Variants in STK32C observed in about 807,000 individuals in gnomAD.
The protein encoded by STK32C is serine/threonine-protein kinase 32C.
In STK32C, 31 loss-of-function variants were observed where a neutral mutation model predicts 56.5. That is an observed-to-expected ratio of 0.55 (90% CI 0.41 to 0.74). The LOEUF is 0.74. Ranked by LOEUF, STK32C falls within the 30% of genes least tolerant of loss-of-function variation. The pLI is 0.00. For missense variants in STK32C, 544 were observed against 676.9 expected (o/e 0.80, Z 2.18); for synonymous variants, 309 against 289.4 (o/e 1.07, Z -0.69).
At chr10:132,230,206 ATTG>A (rs373389813) in intron 2 of STK32C, among the ~76,000 whole-genome samples, 65 of 152,342 alleles carry the variant, frequency 4.3e-4, no homozygotes, top group African/African-American at 1.3e-3. Flanking sequence ...CATTTTTTAA[ATTG>A]TTATTTTGAA....
intron 2 of STK32C, among the ~76,000 whole-genome samples, chr10:132,240,428 G>A (rs761776220): frequency 1.3e-5 from 2 of 152,170 alleles, no homozygotes; most frequent in Non-Finnish European, 2.9e-5. Context: ...ACGGCACAGG[G>A]GGCCCAGGTA....
chr10:132,238,846 C>G lies in STK32C; in HGVS notation c.318+7054G>C, dbSNP rs572018125. Reference sequence around the variant, plus strand: ...GAGGCATGCACACACACGCAACACACAGACATGCAGGCACACACACGTTCA... The same window carrying G: ...GAGGCATGCACACACACGCAACACAGAGACATGCAGGCACACACACGTTCA... On this transcript the variant is annotated intron_variant, in intron 2 of 11. Transcript: ENST00000298630. Among the ~76,000 whole-genome samples the G allele has an allele frequency of 2.4e-4, 36 of 152,248 alleles. 1 individual carries two copies. The East Asian group carries it at 4.4e-3, about 19-fold the overall frequency.
chr10:132,217,887 A>G (rs909242559), intron 10 of STK32C, among the ~76,000 whole-genome samples: 1 of 152,134 alleles, frequency 6.6e-6, no homozygotes, highest in Non-Finnish European at 1.5e-5. Context: ...ACCCAGACTC[A>G]GGTATGCCTT....
intron 1 of STK32C, among the ~76,000 whole-genome samples, chr10:132,282,521 G>A (rs956163790): frequency 4.9e-5 from 7 of 143,528 alleles, no homozygotes; most frequent in African/African-American, 1.4e-4. Flanking sequence ...GCCCACCTGT[G>A]CCTGTGCCCA....
At chr10:132,280,701 G>GC (rs2065167738) in intron 1 of STK32C, among the ~76,000 whole-genome samples, 3 of 142,582 alleles carry the variant, frequency 2.1e-5, no homozygotes, top group Admixed American at 6.9e-5. Flanking sequence ...CCGTGATCAT[G>GC]AACCTCCACT....
chr10:132,272,932 C>A (rs1166769945), intron 1 of STK32C, among the ~76,000 whole-genome samples: 2 of 152,174 alleles, frequency 1.3e-5, no homozygotes, highest in Admixed American at 1.3e-4. Flanking sequence ...GCCCAGTGAG[C>A]CCACCATGCG....
chr10:132,215,260 C>G (rs2062434528), intron 10 of STK32C, among the ~76,000 whole-genome samples: 1 of 152,122 alleles, frequency 6.6e-6, no homozygotes, highest in African/African-American at 2.4e-5. Context: ...GCAATCCTCT[C>G]ACGTCACTGG....
intron 1 of STK32C, among the ~76,000 whole-genome samples, chr10:132,258,545 A>G (rs989376059): frequency 7.2e-5 from 11 of 152,148 alleles, no homozygotes; most frequent in Non-Finnish European, 1.5e-4. Flanking sequence ...GACAGGTCCA[A>G]TGCGCTCTCC....
In STK32C at chr10:132,324,336, TG is replaced by T; in HGVS notation, c.338del (p.Pro113GlnfsTer48). On this transcript the variant is annotated frameshift_variant, in exon 2 of 2. Coordinates refer to the STK32C transcript ENST00000368619. LOFTEE classifies it low-confidence loss of function (END_TRUNC). ...CTTTCCACACCATTCCACATCTTCCTGGCAAAATCCCAGTCCTGGGGTGTGC... is the reference window on the plus strand; with the variant it reads ...CTTTCCACACCATTCCACATCTTCCTGCAAAATCCCAGTCCTGGGGTGTGC... The T allele has an allele frequency of 1.3e-6, 1 of 779,574 alleles. No homozygotes were observed. Among genetic ancestry groups the T allele is most frequent in the Non-Finnish European group, 2.4e-6 (1 of 417,876 alleles). The allele number at this position is 779,574 out of a possible 1,614,324, so 48.3% of individuals were successfully genotyped here.
At chr10:132,218,624 G>A (rs1265845853) in intron 10 of STK32C, among the ~76,000 whole-genome samples, 3 of 152,218 alleles carry the variant, frequency 2.0e-5, no homozygotes, top group Non-Finnish European at 4.4e-5. Context: ...CACACCTGCT[G>A]TAGAAAAGGG....
chr10:132,331,360 C>T, intron 1 of STK32C: 1 of 1,463,988 alleles, frequency 6.8e-7, no homozygotes, highest in Non-Finnish European at 9.2e-7. Flanking sequence ...CACAGGACCA[C>T]GCGAGCACCT....
At chr10:132,295,320 G>C (rs1352030410) in intron 1 of STK32C, among the ~76,000 whole-genome samples, 1 of 152,192 alleles carries the variant, frequency 6.6e-6, no homozygotes, top group Non-Finnish European at 1.5e-5. Context: ...GGCTGGGTAA[G>C]GAAACACACG....
chr10:132,234,434 G>A (rs11594114), intron 2 of STK32C, among the ~76,000 whole-genome samples: 12 of 152,274 alleles, frequency 7.9e-5, no homozygotes, highest in South Asian at 6.2e-4. Context: ...TGCCCACTTC[G>A]CTTTTTCTGC....
At chr10:132,222,813 G>A (rs775874263) in intron 9 of STK32C, 41 bp from the exon 10 acceptor site, 65 of 1,593,112 alleles carry the variant, frequency 4.1e-5, no homozygotes, top group Middle Eastern at 3.4e-4. Context: ...CGTGGAGGAC[G>A]CCACATCCAT....
Position 132,296,486 on chromosome 10 carries a change from A to G in STK32C, c.262+11086T>C, listed in dbSNP as rs1026965020. Among the ~76,000 whole-genome samples the G allele has an allele frequency of 8.5e-5, 13 of 152,276 alleles. 1 individual carries two copies. The South Asian group carries it at 2.1e-3, about 24-fold the overall frequency. On this transcript the variant is annotated intron_variant, in intron 1 of 11. Coordinates refer to ENST00000298630, the MANE Select transcript of STK32C (RefSeq NM_173575.4). ...CAAGGGAACTCTCTGTATCAGCTTC[A>G]CAACTTTTCTATAAATCTAAACTAT... is the stretch of plus-strand genomic sequence containing the variant.
At chr10:132,268,468 CGT>C (rs1268283588) in intron 1 of STK32C, among the ~76,000 whole-genome samples, 1 of 76,240 alleles carries the variant, frequency 1.3e-5, no homozygotes, top group African/African-American at 5.4e-5. Context: ...TGTCCCACAT[CGT>C]GTGTGTGTGT....
intron 1 of STK32C, among the ~76,000 whole-genome samples, chr10:132,298,238 G>A (rs2065812431): frequency 6.6e-6 from 1 of 152,222 alleles, no homozygotes; most frequent in Non-Finnish European, 1.5e-5. Flanking sequence ...TCTGAGCTGG[G>A]CCTGTGACTG....
chr10:132,317,788 G>A (rs2066333509), intron 1 of STK32C, among the ~76,000 whole-genome samples: 1 of 151,908 alleles, frequency 6.6e-6, no homozygotes, highest in Admixed American at 6.6e-5. Flanking sequence ...GACCATCCTG[G>A]CCAACATGGT....
At chr10:132,288,152 A>G (rs2065463820) in intron 1 of STK32C, among the ~76,000 whole-genome samples, 2 of 152,334 alleles carry the variant, frequency 1.3e-5, no homozygotes, top group East Asian at 1.9e-4. Flanking sequence ...CATCCAGATT[A>G]TAAAAAGGAG....
Sources: gnomAD v4.1 joint callset for allele counts (sites outside exome capture counted in the v4.1 genomes callset) on GRCh38, gnomAD v4.1.1 for gene constraint, MANE v1.5 for transcripts, NCBI Gene and HGNC (gene_info 2026-07-23, HGNC 2026-07-21) for gene names.